The following TJP3 variants were observed in gnomAD, a reference collection of about 807,000 sequenced individuals.
TJP3 encodes the protein tight junction protein 3.
TJP3 carries 85 observed loss-of-function variants against 104.2 expected under a neutral mutation model. The ratio of observed to expected loss-of-function variants is 0.82; its 90% CI spans 0.68 to 0.98. TJP3 has a LOEUF of 0.98. TJP3 is among the 50% of genes least tolerant of loss of function. The pLI is 0.00. For missense variants in TJP3, 1,367 were observed against 1,322.8 expected (o/e 1.03, Z -0.52); for synonymous variants, 550 against 550.6 (o/e 1.00, Z 0.02).
chr19:3,727,291 G>C (rs2036609460), intron 1 of TJP3, among the ~76,000 whole-genome samples: 1 of 151,952 alleles, frequency 6.6e-6, no homozygotes, highest in African/African-American at 2.4e-5. Context: ...GACCAGCCTG[G>C]CCAACATAGT....
intron 19 of TJP3, among the ~76,000 whole-genome samples, chr19:3,748,922 G>A (rs1442029705): frequency 7.7e-6 from 1 of 130,078 alleles, no homozygotes; most frequent in African/African-American, 2.9e-5. Context: ...GCAGTGGCAC[G>A]ATCTGGGCTC....
chr19:3,728,309 A>C, intron 1 of TJP3, 115 bp from the exon 2 acceptor site: 2 of 1,528,570 alleles, frequency 1.3e-6, no homozygotes, highest in Non-Finnish European at 1.8e-6. Flanking sequence ...AACTTGTCAC[A>C]GGCTCCAAAC....
intron 15 of TJP3, among the ~76,000 whole-genome samples, chr19:3,744,800 T>C (rs1005027353): frequency 2.0e-5 from 3 of 151,904 alleles, no homozygotes; most frequent in Non-Finnish European, 1.5e-5. Flanking sequence ...TGGTGGCGCA[T>C]GCCTGTAATC....
At chr19:3,727,671 T>A (rs754230820) in intron 1 of TJP3, among the ~76,000 whole-genome samples, 5 of 151,322 alleles carry the variant, frequency 3.3e-5, no homozygotes, top group Non-Finnish European at 5.9e-5. Flanking sequence ...CCTCTGTGGG[T>A]GGATCAGTTG....
chr19:3,740,015 C>G (rs1391989458), intron 13 of TJP3, among the ~76,000 whole-genome samples: 1 of 152,046 alleles, frequency 6.6e-6, no homozygotes, highest in Non-Finnish European at 1.5e-5. Context: ...GGGCAGATCA[C>G]GAGGTCAAGA....
At chr19:3,720,090 TATTA>T (rs141567353) in intron 1 of TJP3, among the ~76,000 whole-genome samples, 1,837 of 152,262 alleles carry the variant, frequency 0.012, 42 homozygotes, top group African/African-American at 0.041. Context: ...ATGTAGGGGC[TATTA>T]TTTTCCCCAA....
At chr19:3,726,583 AGTTTTTTTT>A (rs926102162) in intron 1 of TJP3, among the ~76,000 whole-genome samples, 10 of 149,408 alleles carry the variant, frequency 6.7e-5, no homozygotes, top group African/African-American at 2.4e-4. Context: ...TCAGCAACAG[AGTTTTTTTT>A]GTTTTTTTTT....
At position 3,746,842 on chromosome 19, in the gene TJP3, A is replaced by T. The variant is rs769515491; in HGVS notation, c.2288A>T (p.Gln763Leu). 3 of 1,609,528 alleles carry T rather than the reference A, an allele frequency of 1.9e-6. No individual in the cohort carries two copies. The highest frequency in any genetic ancestry group is 2.5e-6 in the Non-Finnish European group (3 of 1,177,918). The change falls in exon 18 of 21, where the codon CAG becomes CTG. Residue 763 changes from glutamine (Q) to leucine (L), a missense_variant. By Grantham distance (113) the Gln-to-Leu change is moderately radical (BLOSUM62 -2). Transcript: ENST00000541714. The surrounding 1 kb of genome is among the most constrained non-coding windows in gnomAD (Gnocchi z 4.1). Reference sequence around the variant, plus strand: ...GAGCTCAAGGCCATCATTCGAGAGCAGCAGACGCGGCCCATCTGGACGGCG... The same window carrying T: ...GAGCTCAAGGCCATCATTCGAGAGCTGCAGACGCGGCCCATCTGGACGGCG... ...YQELKAIIRE[Q>L]QTRPIWTAED...
intron 1 of TJP3, among the ~76,000 whole-genome samples, chr19:3,718,133 GA>G: frequency 6.7e-6 from 1 of 148,832 alleles, no homozygotes; most frequent in Non-Finnish European, 1.5e-5. Context: ...GTGAACCCGG[GA>G]AGCAGAGCTT....
At chr19:3,744,161 C>CT in intron 15 of TJP3, 127 bp downstream of exon 15, 3 of 751,506 alleles carry the variant, frequency 4.0e-6, no homozygotes, top group Non-Finnish European at 4.5e-6. Context: ...CAGTGCCCCC[C>CT]CCAATACCCA....
At chr19:3,720,936 T>G (rs1286741400) in intron 1 of TJP3, among the ~76,000 whole-genome samples, 8 of 126,190 alleles carry the variant, frequency 6.3e-5, no homozygotes, top group Admixed American at 2.9e-4. Context: ...AGGGTCTCAC[T>G]CTACTCTGTC....
chr19:3,711,545 TATG>T (rs1265904274), intron 1 of TJP3, among the ~76,000 whole-genome samples: 1 of 151,314 alleles, frequency 6.6e-6, no homozygotes, highest in Non-Finnish European at 1.5e-5. Context: ...CATTTGGCTT[TATG>T]ATATTAAAGG....
rs971980256 is a variant in TJP3, at chr19:3,747,695, G to A, written c.2323-99G>A. 507 of 1,393,644 alleles carry A rather than the reference G, an allele frequency of 3.6e-4. 1 individual carries two copies. The highest frequency in any genetic ancestry group is 4.2e-4 in the Non-Finnish European group (450 of 1,059,550). 86.3% of individuals were successfully genotyped at this position (1,393,644 alleles called of 1,614,324 possible). A position where few individuals can be genotyped will look rare whatever the true frequency, so the allele number is the denominator to read the frequency against. On this transcript the variant is annotated intron_variant, in intron 18 of 20. Transcript: ENST00000541714. ...TGAGGCTCCAGGCTCCAGGCTCCTC[G>A]CCTTGATTTGGGACCAGAGTTTGAA...
Position 3,745,133 on chromosome 19 carries a change from C to CTTTT in TJP3, c.1940-851_1940-848dup, listed in dbSNP as rs549831017. Among the ~76,000 whole-genome samples the CTTTT allele has an allele frequency of 2.4e-4, 17 of 70,030 alleles. 2 individuals carry two copies. The highest frequency in any genetic ancestry group is 6.2e-4 in the Admixed American group (3 of 4,820). The allele number at this position is 70,030 out of a possible 152,430, so 45.9% of individuals were successfully genotyped here. A position where few individuals can be genotyped will look rare whatever the true frequency, so the allele number is the denominator to read the frequency against. On this transcript the variant is annotated intron_variant, in intron 15 of 20. Coordinates refer to ENST00000541714, the MANE Select transcript of TJP3 (RefSeq NM_001267560.2). Reference sequence around the variant, plus strand: ...TTAAAAAAAGATGCAAATTTTATGTCTTTTTTTTTTTTTTTTTTTTTTTTT... The same window carrying CTTTT: ...TTAAAAAAAGATGCAAATTTTATGTCTTTTTTTTTTTTTTTTTTTTTTTTTTTTT...
At position 3,728,589 on chromosome 19, in the gene TJP3, C is replaced by A; in HGVS notation, c.49-15C>A. 1 of 1,609,568 alleles carries A rather than the reference C, an allele frequency of 6.2e-7. No individual in the cohort carries two copies. On this transcript the variant is annotated splice_polypyrimidine_tract_variant and intron_variant, in intron 2 of 20. Coordinates refer to ENST00000541714, the MANE Select transcript of TJP3 (RefSeq NM_001267560.2). ...GGGGAAACAGCAGCTCTTCCTTCCC[C>A]TCATCCTCTCTCAGGACCCCCGCCG...
chr19:3,717,918 T>TAA (rs71339056), intron 1 of TJP3, among the ~76,000 whole-genome samples: 102,463 of 132,088 alleles, frequency 0.78, 39,845 homozygotes, highest in East Asian at 0.94. Flanking sequence ...ACTGGCTAAT[T>TAA]AAAAAAAAAA....
chr19:3,738,084 C>CTGTGTCCATTGGA (rs1018796339), intron 11 of TJP3, among the ~76,000 whole-genome samples: 2 of 152,110 alleles, frequency 1.3e-5, no homozygotes, highest in African/African-American at 4.8e-5. Flanking sequence ...GAGCAGATGG[C>CTGTGTCCATTGGA]TGTGTCCATA....
intron 1 of TJP3, among the ~76,000 whole-genome samples, chr19:3,720,894 T>C (rs1599145196): frequency 7.5e-6 from 1 of 132,604 alleles, no homozygotes. Flanking sequence ...TTTCCTTCCT[T>C]CCTTTTCTTT....
chr19:3,733,989 A>G lies in TJP3; in HGVS notation c.877+77A>G, dbSNP rs2036705001. 4.5e-6 allele frequency: 7 copies of G among 1,545,774 alleles called. No homozygotes were observed. The South Asian group carries it at 7.0e-5, about 15-fold the overall frequency. ...AGGTGGGAAGCCCCAGGCAGGGCCA[A>G]GGAATCAATGAGCCTGGTCCCTAGA... On this transcript the variant is annotated intron_variant, in intron 7 of 20. Coordinates refer to ENST00000541714, the MANE Select transcript of TJP3 (RefSeq NM_001267560.2).
Sources: allele counts gnomAD v4.1 joint callset (sites outside exome capture counted in the v4.1 genomes callset), GRCh38; gene constraint gnomAD v4.1.1; non-coding constraint Gnocchi (gnomAD v3.1); transcripts MANE v1.5; gene names NCBI Gene and HGNC (gene_info 2026-07-23, HGNC 2026-07-21).